TMEM232: variants seen among roughly 807,000 people sequenced by gnomAD.
The protein encoded by TMEM232 is transmembrane protein 232.
A neutral mutation model predicts 78.8 loss-of-function variants in TMEM232; 80 were observed. The observed-to-expected ratio is 1.01, with a 90% CI of 0.85 to 1.22. The LOEUF (loss-of-function observed/expected upper bound fraction) is 1.22. TMEM232 is among the 50% of genes most tolerant of loss of function. The probability of loss-of-function intolerance (pLI) is 0.00; values close to 1 mark genes in which losing one functional copy is unlikely to be tolerated. For missense variants in TMEM232, 881 were observed against 742.2 expected (o/e 1.19, Z -2.17); for synonymous variants, 297 against 254.3 (o/e 1.17, Z -1.60).
intron 2 of TMEM232, among the ~76,000 whole-genome samples, chr5:110,408,478 G>T (rs1001525033): frequency 6.6e-6 from 1 of 151,928 alleles, no homozygotes; most frequent in Non-Finnish European, 1.5e-5. Flanking sequence ...TTTAATCCCA[G>T]CTACTAGGGA....
At chr5:110,693,238 A>T (rs1036757306) in intron 1 of TMEM232, among the ~76,000 whole-genome samples, 2 of 152,216 alleles carry the variant, frequency 1.3e-5, no homozygotes, top group Admixed American at 6.5e-5. Context: ...CCTGCAGCTG[A>T]GGGTACTGAC....
chr5:110,678,178 C>T (rs945342336), intron 1 of TMEM232, among the ~76,000 whole-genome samples: 2 of 152,144 alleles, frequency 1.3e-5, no homozygotes, highest in African/African-American at 4.8e-5. Context: ...AATTCTCCTG[C>T]CTGAGCTACC....
intron 12 of TMEM232, among the ~76,000 whole-genome samples, chr5:110,502,190 C>T (rs1293194088): frequency 6.6e-6 from 1 of 152,044 alleles, no homozygotes; most frequent in Non-Finnish European, 1.5e-5. Flanking sequence ...ATAAATGTTC[C>T]TCAAGTCTTA....
intron 12 of TMEM232, among the ~76,000 whole-genome samples, chr5:110,429,509 G>C (rs541487507): frequency 6.6e-6 from 1 of 151,902 alleles, no homozygotes; most frequent in African/African-American, 2.4e-5. Context: ...CCAGGAGCAG[G>C]AGACATGCAT....
chr5:110,465,645 C>A (rs991783426), intron 12 of TMEM232, among the ~76,000 whole-genome samples: 1 of 152,228 alleles, frequency 6.6e-6, no homozygotes, highest in East Asian at 1.9e-4. Context: ...ATATAGACAA[C>A]TAATCTAGAA....
At chr5:110,407,685 C>T (rs1011704790) in intron 2 of TMEM232, among the ~76,000 whole-genome samples, 4 of 152,150 alleles carry the variant, frequency 2.6e-5, no homozygotes, top group Non-Finnish European at 4.4e-5. Context: ...GCCTAATTGA[C>T]ATTTACAGAA....
intron 2 of TMEM232, among the ~76,000 whole-genome samples, chr5:110,663,983 T>C (rs1401975060): frequency 6.6e-6 from 1 of 151,884 alleles, no homozygotes; most frequent in South Asian, 2.1e-4. Context: ...ACAAAAAAAA[T>C]TTTTTATTTA....
At chr5:110,735,154 G>T (rs1799031409) in intron 1 of TMEM232, 1 of 152,216 alleles carries the variant, frequency 6.6e-6, no homozygotes, top group South Asian at 2.1e-4. Flanking sequence ...TTTATCCTGT[G>T]AGCTGAATTT....
chr5:110,458,385 A>G (rs1761126605), intron 12 of TMEM232, among the ~76,000 whole-genome samples: 2 of 152,104 alleles, frequency 1.3e-5, no homozygotes, highest in South Asian at 2.1e-4. Context: ...CTAATTAACA[A>G]TCTGGCAGGG....
chr5:110,589,928 C>T (rs1218522297), intron 10 of TMEM232, among the ~76,000 whole-genome samples: 1 of 152,072 alleles, frequency 6.6e-6, no homozygotes, highest in Non-Finnish European at 1.5e-5. Context: ...ATAATCTCTT[C>T]TTTGAGACTA....
intron 1 of TMEM232, among the ~76,000 whole-genome samples, chr5:110,699,142 T>C (rs1209892920): frequency 6.6e-6 from 1 of 151,974 alleles, no homozygotes; most frequent in Admixed American, 6.6e-5. Context: ...TGCTCACAAA[T>C]GGGTGGTCAC....
At chr5:110,397,449 G>C (rs556677442) in intron 3 of TMEM232, among the ~76,000 whole-genome samples, 116 of 152,230 alleles carry the variant, frequency 7.6e-4, no homozygotes, top group Non-Finnish European at 1.5e-3. Flanking sequence ...TGTATTATTA[G>C]AACTTGTATG....
At chr5:110,562,886 C>T (rs1315079055) in intron 11 of TMEM232, among the ~76,000 whole-genome samples, 2 of 151,894 alleles carry the variant, frequency 1.3e-5, no homozygotes, top group African/African-American at 4.8e-5. Flanking sequence ...AATACTTCAT[C>T]ATTTATGTCC....
Position 110,520,050 on chromosome 5 carries a change from T to TATATATAGAGAGAGAG in TMEM232, c.1703+8537_1703+8538insCTCTCTCTCTATATAT, listed in dbSNP as rs374219408. ...TTATATATTTATGTATATATATATATAGAGAGAGAGAGAGAGAGGATTAGG... is the reference window on the plus strand; with the variant it reads ...TTATATATTTATGTATATATATATATATATATAGAGAGAGAGAGAGAGAGAGAGAGAGAGGATTAGG... On this transcript the variant is annotated intron_variant, in intron 12 of 13. Transcript: ENST00000455884. 1.9e-4 allele frequency among the ~76,000 whole-genome samples: 28 copies of TATATATAGAGAGAGAG among 147,258 alleles called. 1 individual carries two copies. Among genetic ancestry groups the TATATATAGAGAGAGAG allele is most frequent in the African/African-American group, 6.8e-4 (27 of 39,890 alleles).
intron 2 of TMEM232, among the ~76,000 whole-genome samples, chr5:110,403,755 A>G (rs1457718795): frequency 6.6e-6 from 1 of 151,962 alleles, no homozygotes; most frequent in African/African-American, 2.4e-5. Context: ...AGTAAGCCAG[A>G]AATATTCAGT....
At chr5:110,481,485 T>A (rs1037712180) in intron 12 of TMEM232, among the ~76,000 whole-genome samples, 1 of 152,070 alleles carries the variant, frequency 6.6e-6, no homozygotes, top group Non-Finnish European at 1.5e-5. Context: ...CTCTTCCCCC[T>A]TTTATTAGCA....
intron 13 of TMEM232, among the ~76,000 whole-genome samples, chr5:110,422,472 G>T: frequency 7.8e-6 from 1 of 129,018 alleles, no homozygotes; most frequent in Non-Finnish European, 1.5e-5. Context: ...GTGAGCCAAG[G>T]TCACACCACT....
chr5:110,619,057 T>A (rs958128817), intron 7 of TMEM232, among the ~76,000 whole-genome samples: 25 of 152,306 alleles, frequency 1.6e-4, no homozygotes, highest in Middle Eastern at 3.4e-3. Context: ...AGATAACAAA[T>A]AAGCTGTTGT....
intron 1 of TMEM232, among the ~76,000 whole-genome samples, chr5:110,694,866 C>A (rs1043777950): frequency 2.0e-5 from 3 of 152,086 alleles, no homozygotes; most frequent in Admixed American, 6.6e-5. Flanking sequence ...GACTTTAACA[C>A]CCCACTGTCA....
Sources: gnomAD v4.1 joint callset for allele counts (sites outside exome capture counted in the v4.1 genomes callset) on GRCh38, gnomAD v4.1.1 for gene constraint, MANE v1.5 for transcripts, NCBI Gene and HGNC (gene_info 2026-07-23, HGNC 2026-07-21) for gene names.